Variants in TMTC2 observed in about 807,000 individuals in gnomAD.
TMTC2 encodes the protein transmembrane O-mannosyltransferase targeting cadherins 2.
Under a neutral mutation model 82.4 loss-of-function variants are expected in TMTC2, and 43 were observed. The ratio of observed to expected loss-of-function variants is 0.52; its 90% CI spans 0.41 to 0.67. The LOEUF (loss-of-function observed/expected upper bound fraction) is 0.67. Among genes scored for constraint, TMTC2 ranks in the 30% least tolerant of loss-of-function variants. The pLI is 0.00. For missense variants in TMTC2, 919 were observed against 1,012.4 expected (o/e 0.91, Z 1.25); for synonymous variants, 408 against 381.9 (o/e 1.07, Z -0.80).
At chr12:82,957,091 T>C (rs1009822623) in intron 4 of TMTC2, among the ~76,000 whole-genome samples, 3 of 152,168 alleles carry the variant, frequency 2.0e-5, no homozygotes, top group African/African-American at 7.2e-5. Context: ...TCTTCTCATC[T>C]GTACATGGAA....
At chr12:82,946,644 A>G (rs986291714) in intron 4 of TMTC2, among the ~76,000 whole-genome samples, 2 of 152,126 alleles carry the variant, frequency 1.3e-5, no homozygotes, top group African/African-American at 4.8e-5. Flanking sequence ...AGTGTGAGGA[A>G]ATGTCCAACA....
chr12:82,785,618 C>A (rs1592520564), intron 1 of TMTC2, among the ~76,000 whole-genome samples: 1 of 152,128 alleles, frequency 6.6e-6, no homozygotes, highest in East Asian at 1.9e-4. Context: ...CAAGATAGGG[C>A]AGCAGCAAAA....
intron 2 of TMTC2, among the ~76,000 whole-genome samples, chr12:82,891,867 C>G (rs117803553): frequency 3.9e-5 from 6 of 151,990 alleles, no homozygotes; most frequent in Non-Finnish European, 8.8e-5. Flanking sequence ...GTTTAGTTTC[C>G]CTTTAAGAGT....
chr12:82,977,219 T>A (rs1171742180), intron 7 of TMTC2, among the ~76,000 whole-genome samples: 1 of 152,086 alleles, frequency 6.6e-6, no homozygotes, highest in East Asian at 1.9e-4. Flanking sequence ...TTTAATTTAA[T>A]AGCAATAAAC....
At chr12:82,744,948 T>C (rs1446454711) in intron 1 of TMTC2, among the ~76,000 whole-genome samples, 1 of 152,184 alleles carries the variant, frequency 6.6e-6, no homozygotes, top group Non-Finnish European at 1.5e-5. Context: ...AAGGGAAGTT[T>C]ATAGTTTTAT....
chr12:82,759,382 A>G (rs1354962031), intron 1 of TMTC2: 1 of 152,242 alleles, frequency 6.6e-6, no homozygotes, highest in Admixed American at 6.5e-5. Flanking sequence ...TCATCTTTAA[A>G]ATGTATCTTA....
intron 1 of TMTC2, among the ~76,000 whole-genome samples, chr12:82,841,378 C>T (rs1049205343): frequency 6.6e-6 from 1 of 152,168 alleles, no homozygotes; most frequent in Non-Finnish European, 1.5e-5. Context: ...CTCTCTTTCT[C>T]CCCTCATTCT....
intron 7 of TMTC2, 48 bp from the exon 8 acceptor site, chr12:82,985,877 G>C: frequency 6.3e-7 from 1 of 1,590,448 alleles, no homozygotes; most frequent in Middle Eastern, 2.0e-4. Context: ...AAATAATGTG[G>C]AAAAGCTGTA....
At chr12:82,970,524 G>A (rs567539442) in intron 7 of TMTC2, among the ~76,000 whole-genome samples, 2 of 149,598 alleles carry the variant, frequency 1.3e-5, no homozygotes, top group African/African-American at 5.0e-5. Context: ...TAGTAGAGAC[G>A]GGGTTTCACC....
intron 1 of TMTC2, among the ~76,000 whole-genome samples, chr12:82,806,914 C>T (rs1295562477): frequency 6.6e-6 from 1 of 151,978 alleles, no homozygotes; most frequent in East Asian, 1.9e-4. Flanking sequence ...GTATATACAC[C>T]ATTCTTAAGT....
At chr12:82,839,323 C>A (rs1355406484) in intron 1 of TMTC2, among the ~76,000 whole-genome samples, 1 of 152,152 alleles carries the variant, frequency 6.6e-6, no homozygotes, top group Admixed American at 6.6e-5. Context: ...ATGTGAGAAT[C>A]TATCTATTCT....
intron 3 of TMTC2, among the ~76,000 whole-genome samples, chr12:82,899,859 G>A (rs34592898): frequency 0.044 from 5,346 of 122,436 alleles, 311 homozygotes; most frequent in African/African-American, 0.16. Flanking sequence ...ATATAGATAT[G>A]TAGGAATATA....
intron 4 of TMTC2, among the ~76,000 whole-genome samples, chr12:82,957,658 A>G (rs910131405): frequency 6.6e-6 from 1 of 152,080 alleles, no homozygotes; most frequent in South Asian, 2.1e-4. Flanking sequence ...AAGAGGGACG[A>G]TATTAGGTTG....
chr12:83,004,686 C>T (rs1250601820), intron 8 of TMTC2, among the ~76,000 whole-genome samples: 3 of 125,670 alleles, frequency 2.4e-5, no homozygotes, highest in Non-Finnish European at 4.9e-5. Flanking sequence ...GGAAAGATTC[C>T]TGCATTTTGT....
intron 1 of TMTC2, among the ~76,000 whole-genome samples, chr12:82,824,083 G>A (rs1402837279): frequency 5.3e-5 from 8 of 152,008 alleles, no homozygotes; most frequent in South Asian, 2.1e-4. Flanking sequence ...TAATAGAGAC[G>A]GGGTTTCACC....
intron 1 of TMTC2, among the ~76,000 whole-genome samples, chr12:82,770,152 A>T (rs1224873306): frequency 1.3e-5 from 2 of 152,138 alleles, no homozygotes; most frequent in Non-Finnish European, 2.9e-5. Context: ...TGCAAGTCAA[A>T]CTGTGACTTT....
At chr12:82,752,877 A>G (rs1272970905) in intron 1 of TMTC2, among the ~76,000 whole-genome samples, 1 of 152,056 alleles carries the variant, frequency 6.6e-6, no homozygotes, top group African/African-American at 2.4e-5. Flanking sequence ...CAGCTGTGCC[A>G]TGGAGTAGCA....
chr12:82,703,625 A>G (rs1204479495), intron 1 of TMTC2, among the ~76,000 whole-genome samples: 1 of 151,334 alleles, frequency 6.6e-6, no homozygotes, highest in Non-Finnish European at 1.5e-5. Context: ...CAGCCTCCCG[A>G]GTAGCTGGGA....
At chr12:83,030,653 T>A (rs1330578965) in intron 8 of TMTC2, 145 bp from the exon 9 acceptor site, 5 of 556,918 alleles carry the variant, frequency 9.0e-6, no homozygotes, top group Non-Finnish European at 1.6e-5. Flanking sequence ...TCCTTGATCA[T>A]CCTCACATAG....
Sources: allele counts gnomAD v4.1 joint callset (sites outside exome capture counted in the v4.1 genomes callset), GRCh38; gene constraint gnomAD v4.1.1; transcripts MANE v1.5; gene names NCBI Gene and HGNC (gene_info 2026-07-23, HGNC 2026-07-21).